ENOX1: variants seen among roughly 807,000 people sequenced by gnomAD.
The protein encoded by ENOX1 is ecto-NOX disulfide-thiol exchanger 1, also known as candidate growth-related and time keeping constitutive hydroquinone (NADH) oxidase.
Under a neutral mutation model 82.5 loss-of-function variants are expected in ENOX1, and 42 were observed. The observed-to-expected ratio is 0.51, with a 90% CI of 0.40 to 0.66. The LOEUF (loss-of-function observed/expected upper bound fraction) is 0.66, where lower values mean the gene tolerates loss of function less well. Ranked by LOEUF, ENOX1 falls within the 30% of genes least tolerant of loss-of-function variation. ENOX1 has a pLI of 0.00. For missense variants in ENOX1, 608 were observed against 811.6 expected (o/e 0.75, Z 3.05); for synonymous variants, 271 against 282.2 (o/e 0.96, Z 0.40).
intron 5 of ENOX1, among the ~76,000 whole-genome samples, chr13:43,396,864 C>T (rs2053186294): frequency 6.6e-6 from 1 of 152,208 alleles, no homozygotes; most frequent in Non-Finnish European, 1.5e-5. Context: ...TTTAAGGGAG[C>T]CTGAATACCT....
At chr13:43,405,752 C>G (rs548295232) in intron 5 of ENOX1, among the ~76,000 whole-genome samples, 1 of 152,194 alleles carries the variant, frequency 6.6e-6, no homozygotes, top group East Asian at 1.9e-4. Context: ...ATCACTGTCT[C>G]TTATCTGGGT....
At chr13:43,697,985 T>C (rs2086721231) in intron 1 of ENOX1, among the ~76,000 whole-genome samples, 1 of 152,154 alleles carries the variant, frequency 6.6e-6, no homozygotes, top group Non-Finnish European at 1.5e-5. Context: ...GGCCTTGCAG[T>C]ACATTCACAT....
At chr13:43,249,203 A>G (rs2043310147) in intron 14 of ENOX1, among the ~76,000 whole-genome samples, 1 of 152,150 alleles carries the variant, frequency 6.6e-6, no homozygotes, top group Admixed American at 6.5e-5. Context: ...AACCCCATTC[A>G]TTATTTAAAC....
At chr13:43,471,809 C>CAAA (rs5803181) in intron 3 of ENOX1, among the ~76,000 whole-genome samples, 45 of 124,462 alleles carry the variant, frequency 3.6e-4, no homozygotes, top group African/African-American at 7.3e-4. Flanking sequence ...GACTCCGTCT[C>CAAA]AAAAAAAAAA....
chr13:43,217,490 C>A (rs1192813826), intron 16 of ENOX1, among the ~76,000 whole-genome samples: 2 of 152,146 alleles, frequency 1.3e-5, no homozygotes, highest in South Asian at 2.1e-4. Context: ...CAGGACAAGG[C>A]TTGCAGCGGG....
chr13:43,687,630 G>A (rs1485050629), intron 1 of ENOX1, among the ~76,000 whole-genome samples: 3 of 152,070 alleles, frequency 2.0e-5, no homozygotes, highest in East Asian at 3.9e-4. Flanking sequence ...AGAGGAGGGC[G>A]GGAAACATCA....
chr13:43,722,975 T>C (rs1414123141), intron 1 of ENOX1, among the ~76,000 whole-genome samples: 15 of 152,134 alleles, frequency 9.9e-5, no homozygotes, highest in Admixed American at 9.8e-4. Flanking sequence ...AAAACAGAAC[T>C]TTAAAAATAT....
intron 2 of ENOX1, among the ~76,000 whole-genome samples, chr13:43,626,866 T>C (rs1327461127): frequency 2.0e-5 from 3 of 151,984 alleles, no homozygotes; most frequent in Admixed American, 6.6e-5. Flanking sequence ...AACTGTCCTA[T>C]CAACTTTTGA....
chr13:43,218,724 T>C (rs1048636468), intron 16 of ENOX1, among the ~76,000 whole-genome samples: 1 of 152,214 alleles, frequency 6.6e-6, no homozygotes, highest in African/African-American at 2.4e-5. Context: ...GAGAAAGCTG[T>C]ATCAGGTAAG....
chr13:43,225,277 A>T (rs2041973678), intron 15 of ENOX1, among the ~76,000 whole-genome samples: 1 of 152,156 alleles, frequency 6.6e-6, no homozygotes, highest in African/African-American at 2.4e-5. Context: ...GGAGAGAGGG[A>T]TGAGGGAAAG....
intron 2 of ENOX1, among the ~76,000 whole-genome samples, chr13:43,640,870 GCACA>G (rs34265542): frequency 2.0e-5 from 3 of 150,752 alleles, no homozygotes; most frequent in Non-Finnish European, 4.4e-5. Flanking sequence ...ATACACACAT[GCACA>G]CACACACGCG....
intron 1 of ENOX1, among the ~76,000 whole-genome samples, chr13:43,743,934 C>T (rs915535616): frequency 6.6e-6 from 1 of 152,066 alleles, no homozygotes; most frequent in Non-Finnish European, 1.5e-5. Context: ...AGCAAACTTG[C>T]TTTTATAACA....
chr13:43,489,771 G>A (rs1278557246), intron 2 of ENOX1, among the ~76,000 whole-genome samples: 1 of 152,160 alleles, frequency 6.6e-6, no homozygotes, highest in Non-Finnish European at 1.5e-5. Flanking sequence ...ACCCAACCCA[G>A]CTGAGTATGT....
chr13:43,257,653 T>C (rs74063237), intron 14 of ENOX1, among the ~76,000 whole-genome samples: 8,143 of 152,232 alleles, frequency 0.053, 289 homozygotes, highest in East Asian at 0.13. Flanking sequence ...TTCTACATTT[T>C]CCACAAAAAG....
chr13:43,755,576 C>T (rs751047915), intron 1 of ENOX1, among the ~76,000 whole-genome samples: 5 of 152,016 alleles, frequency 3.3e-5, no homozygotes, highest in Non-Finnish European at 5.9e-5. Context: ...TACATGTTGA[C>T]GGTATAAAAT....
chr13:43,404,653 C>A (rs1002634759), intron 5 of ENOX1, among the ~76,000 whole-genome samples: 1 of 152,210 alleles, frequency 6.6e-6, no homozygotes, highest in African/African-American at 2.4e-5. Context: ...TTTAGAGATA[C>A]GTGTTCTCCA....
chr13:43,512,805 G>T (rs1283739475), intron 2 of ENOX1, among the ~76,000 whole-genome samples: 1 of 152,046 alleles, frequency 6.6e-6, no homozygotes, highest in East Asian at 1.9e-4. Flanking sequence ...GGCGCAAATT[G>T]CTATAAGATC....
chr13:43,219,554 T>C (rs2041675417), intron 16 of ENOX1, among the ~76,000 whole-genome samples: 3 of 152,238 alleles, frequency 2.0e-5, no homozygotes, highest in Non-Finnish European at 4.4e-5. Context: ...CTTAAATTTA[T>C]TCTTTTAGGA....
At chr13:43,769,104 A>C (rs1294775042) in intron 1 of ENOX1, among the ~76,000 whole-genome samples, 1 of 152,244 alleles carries the variant, frequency 6.6e-6, no homozygotes. Context: ...CAGCTATCAC[A>C]GTGGGCAAGT....
Sources: allele counts gnomAD v4.1 joint callset (sites outside exome capture counted in the v4.1 genomes callset), GRCh38; gene constraint gnomAD v4.1.1; transcripts MANE v1.5; gene names NCBI Gene and HGNC (gene_info 2026-07-23, HGNC 2026-07-21).